The following GALNT13 variants were observed in gnomAD, a reference collection of about 807,000 sequenced individuals.
GALNT13 encodes the protein UDP-GalNAc:polypeptide N-acetylgalactosaminyltransferase 13.
GALNT13 carries 28 observed loss-of-function variants against 64.2 expected under a neutral mutation model. The observed-to-expected ratio is 0.44, with a 90% CI of 0.32 to 0.60. The LOEUF is 0.60. Among genes scored for constraint, GALNT13 ranks in the 20% least tolerant of loss-of-function variants. The pLI is 0.05. For missense variants in GALNT13, 577 were observed against 669.8 expected, an observed-to-expected ratio of 0.86 and a Z score of 1.53; for synonymous variants, 214 against 224.6, an observed-to-expected ratio of 0.95 and a Z score of 0.42.
chr2:153,948,463 C>T (rs897010883), intron 3 of GALNT13, among the ~76,000 whole-genome samples: 1 of 151,842 alleles, frequency 6.6e-6, no homozygotes, highest in Non-Finnish European at 1.5e-5. Context: ...TCATCAGAGA[C>T]CTAAAGACAG....
chr2:153,450,345 C>G, the GALNT13 span, among the ~76,000 whole-genome samples: 1,139 of 152,080 alleles, frequency 7.5e-3, 11 homozygotes, highest in African/African-American at 0.024. Flanking sequence ...CCATCTTACT[C>G]AACAAGTTAG....
At chr2:154,059,756 G>T (rs576365020) in intron 3 of GALNT13, among the ~76,000 whole-genome samples, 1 of 152,088 alleles carries the variant, frequency 6.6e-6, no homozygotes, top group Admixed American at 6.5e-5. Context: ...TTTTCATAGT[G>T]TTTTCCTTCT....
the GALNT13 span, among the ~76,000 whole-genome samples, chr2:153,598,504 A>C: frequency 5.3e-5 from 8 of 151,938 alleles, no homozygotes; most frequent in Non-Finnish European, 7.4e-5. Context: ...TTTTCACTAC[A>C]TGATGCTAAA....
At chr2:154,253,291 C>T (rs1690185892) in intron 7 of GALNT13, among the ~76,000 whole-genome samples, 1 of 152,074 alleles carries the variant, frequency 6.6e-6, no homozygotes. Context: ...GGGTGATTAT[C>T]ACAGCGTGAA....
At chr2:153,719,954 C>A in the GALNT13 span, among the ~76,000 whole-genome samples, 1 of 152,080 alleles carries the variant, frequency 6.6e-6, no homozygotes, top group Non-Finnish European at 1.5e-5. Context: ...TGGGTGGAGC[C>A]CACCACAGCT....
chr2:153,135,724 A>T, the GALNT13 span, among the ~76,000 whole-genome samples: 1 of 152,070 alleles, frequency 6.6e-6, no homozygotes, highest in Non-Finnish European at 1.5e-5. Context: ...ATAGGTTCAA[A>T]TATTATAACC....
the GALNT13 span, among the ~76,000 whole-genome samples, chr2:153,081,195 T>A: frequency 6.6e-6 from 1 of 152,018 alleles, no homozygotes; most frequent in Non-Finnish European, 1.5e-5. Context: ...TTGATACATA[T>A]CTCCTTTTCT....
chr2:154,447,457 G>A (rs13032771), intron 12 of GALNT13, among the ~76,000 whole-genome samples: 40,727 of 151,736 alleles, frequency 0.27, 5,678 homozygotes, highest in East Asian at 0.53. Flanking sequence ...CACAGGTCAA[G>A]TCAACAAACT....
At chr2:153,939,009 C>T (rs1174843475) in intron 2 of GALNT13, among the ~76,000 whole-genome samples, 1 of 152,028 alleles carries the variant, frequency 6.6e-6, no homozygotes, top group Non-Finnish European at 1.5e-5. Flanking sequence ...AAGCGTAATC[C>T]TGTTCTCATA....
the GALNT13 span, among the ~76,000 whole-genome samples, chr2:153,492,004 C>T: frequency 1.3e-5 from 2 of 152,010 alleles, no homozygotes; most frequent in African/African-American, 4.8e-5. Context: ...TTATAAAATA[C>T]TAAAATTCCA....
chr2:154,352,093 C>T (rs947881572), intron 9 of GALNT13, among the ~76,000 whole-genome samples: 1 of 152,164 alleles, frequency 6.6e-6, no homozygotes, highest in Non-Finnish European at 1.5e-5. Flanking sequence ...ATGTACTTCA[C>T]AATTTGATTT....
intron 11 of GALNT13, among the ~76,000 whole-genome samples, chr2:154,434,460 C>T (rs956538453): frequency 6.6e-6 from 1 of 152,078 alleles, no homozygotes; most frequent in Non-Finnish European, 1.5e-5. Flanking sequence ...GGGGTTTCAC[C>T]GTGTTAGCCA....
chr2:153,932,373 A>G (rs1447474694), intron 2 of GALNT13, among the ~76,000 whole-genome samples: 1 of 151,380 alleles, frequency 6.6e-6, no homozygotes, highest in African/African-American at 2.4e-5. Context: ...TTTAGGAGTG[A>G]TGTTATGTTG....
intron 3 of GALNT13, among the ~76,000 whole-genome samples, chr2:154,057,326 G>A (rs1034314254): frequency 1.8e-4 from 27 of 152,152 alleles, no homozygotes; most frequent in African/African-American, 6.3e-4. Flanking sequence ...ACCACGCCCG[G>A]CCCTAAACCT....
the GALNT13 span, among the ~76,000 whole-genome samples, chr2:153,264,658 G>A: frequency 6.6e-5 from 10 of 152,160 alleles, no homozygotes; most frequent in Non-Finnish European, 1.3e-4. Flanking sequence ...GAAGCTGGAA[G>A]CCATTATCCT....
chr2:153,488,886 C>T, the GALNT13 span, among the ~76,000 whole-genome samples: 1 of 152,138 alleles, frequency 6.6e-6, no homozygotes, highest in Non-Finnish European at 1.5e-5. Flanking sequence ...AGGAACCTGA[C>T]GAAGGGAGTT....
intron 9 of GALNT13, among the ~76,000 whole-genome samples, chr2:154,350,661 C>T (rs1696343935): frequency 6.6e-6 from 1 of 152,130 alleles, no homozygotes; most frequent in Non-Finnish European, 1.5e-5. Flanking sequence ...TCATATTAGT[C>T]CTATCCCTCT....
the GALNT13 span, among the ~76,000 whole-genome samples, chr2:153,171,462 C>A: frequency 6.6e-6 from 1 of 152,048 alleles, no homozygotes; most frequent in Non-Finnish European, 1.5e-5. Context: ...TCAAGGTACT[C>A]ACTAGAATGG....
the GALNT13 span, among the ~76,000 whole-genome samples, chr2:153,187,746 G>A: frequency 6.8e-3 from 1,032 of 152,056 alleles, 10 homozygotes; most frequent in African/African-American, 0.023. Flanking sequence ...TTCCTTTATC[G>A]GACAGAATAG....
Sources: gnomAD v4.1 joint callset for allele counts (sites outside exome capture counted in the v4.1 genomes callset) on GRCh38, gnomAD v4.1.1 for gene constraint, MANE v1.5 for transcripts, NCBI Gene and HGNC (gene_info 2026-07-23, HGNC 2026-07-21) for gene names.